KIAA1328: variants seen among roughly 807,000 people sequenced by gnomAD.
KIAA1328 encodes the protein protein hinderin.
Under a neutral mutation model 68.1 loss-of-function variants are expected in KIAA1328, and 52 were observed. The observed-to-expected ratio is 0.76, with a 90% CI of 0.61 to 0.96. The LOEUF is 0.96. Ranked by LOEUF, KIAA1328 falls within the 40% of genes least tolerant of loss-of-function variation. KIAA1328 has a pLI of 0.00. For synonymous variants in KIAA1328, 232 were observed against 239.4 expected, an observed-to-expected ratio of 0.97 and a Z score of 0.28; for missense variants, 641 against 677.6, an observed-to-expected ratio of 0.95 and a Z score of 0.60.
At chr18:37,138,482 T>C (rs1176084464) in intron 7 of KIAA1328, among the ~76,000 whole-genome samples, 1 of 152,182 alleles carries the variant, frequency 6.6e-6, no homozygotes, top group East Asian at 1.9e-4. Flanking sequence ...ACCCAGTACA[T>C]CTAAGGGATT....
chr18:36,926,496 G>A (rs952947930), intron 5 of KIAA1328, among the ~76,000 whole-genome samples: 1 of 151,966 alleles, frequency 6.6e-6, no homozygotes, highest in African/African-American at 2.4e-5. Flanking sequence ...ACAAGGTACT[G>A]GTGATACTAA....
intron 6 of KIAA1328, among the ~76,000 whole-genome samples, chr18:36,982,380 T>C (rs563997470): frequency 8.7e-4 from 131 of 150,938 alleles, no homozygotes; most frequent in African/African-American, 2.9e-3. Flanking sequence ...AACAAAAATA[T>C]CTTAAAAGTA....
chr18:37,161,990 C>CA (rs1181954916), intron 8 of KIAA1328, among the ~76,000 whole-genome samples: 2 of 151,660 alleles, frequency 1.3e-5, no homozygotes, highest in African/African-American at 2.4e-5. Context: ...GTCTTGTGTC[C>CA]AAAAAAAATC....
chr18:37,129,968 T>C (rs2058483851), intron 7 of KIAA1328, among the ~76,000 whole-genome samples: 1 of 152,146 alleles, frequency 6.6e-6, no homozygotes, highest in Non-Finnish European at 1.5e-5. Context: ...AAGGGTTCAG[T>C]ATGTTACTGA....
intron 4 of KIAA1328, among the ~76,000 whole-genome samples, chr18:36,863,039 T>G (rs1057116907): frequency 6.6e-6 from 1 of 152,140 alleles, no homozygotes; most frequent in Non-Finnish European, 1.5e-5. Flanking sequence ...ATTTTGAGAG[T>G]TCTTTATATG....
intron 7 of KIAA1328, among the ~76,000 whole-genome samples, chr18:37,082,001 A>G (rs1338510916): frequency 6.6e-6 from 1 of 152,072 alleles, no homozygotes; most frequent in Non-Finnish European, 1.5e-5. Context: ...CTGAGCACAT[A>G]TTTACTAAGC....
chr18:36,908,662 T>C (rs2049312141), intron 5 of KIAA1328, among the ~76,000 whole-genome samples: 1 of 152,132 alleles, frequency 6.6e-6, no homozygotes, highest in Non-Finnish European at 1.5e-5. Flanking sequence ...TAATAGCTAA[T>C]TATTACCATG....
intron 3 of KIAA1328, among the ~76,000 whole-genome samples, chr18:36,840,596 C>T (rs2046827019): frequency 1.3e-5 from 2 of 151,926 alleles, no homozygotes; most frequent in Non-Finnish European, 2.9e-5. Flanking sequence ...GCTGGGATTA[C>T]AGGAACGCAC....
intron 5 of KIAA1328, among the ~76,000 whole-genome samples, chr18:36,926,960 A>G (rs949628963): frequency 6.6e-6 from 1 of 152,188 alleles, no homozygotes; most frequent in South Asian, 2.1e-4. Flanking sequence ...GCAAGAGTGG[A>G]AGCAACAGCG....
chr18:36,982,561 A>G (rs140881244), intron 6 of KIAA1328, among the ~76,000 whole-genome samples: 139 of 152,144 alleles, frequency 9.1e-4, no homozygotes, highest in African/African-American at 3.3e-3. Context: ...AAAAGCCAAA[A>G]TCAAGGTAGA....
intron 6 of KIAA1328, among the ~76,000 whole-genome samples, chr18:36,971,568 G>A (rs1356438233): frequency 6.6e-6 from 1 of 152,182 alleles, no homozygotes; most frequent in Non-Finnish European, 1.5e-5. Flanking sequence ...GGCAGAGGTT[G>A]TGGTGAGCTG....
chr18:36,995,887 T>C (rs561390770), intron 6 of KIAA1328, among the ~76,000 whole-genome samples: 2 of 152,204 alleles, frequency 1.3e-5, no homozygotes, highest in Non-Finnish European at 2.9e-5. Context: ...CAAAGTAAAG[T>C]GTACAGCTTC....
intron 5 of KIAA1328, among the ~76,000 whole-genome samples, chr18:36,926,111 G>A (rs1057207797): frequency 6.6e-6 from 1 of 151,972 alleles, no homozygotes; most frequent in Non-Finnish European, 1.5e-5. Context: ...TTACTATGAC[G>A]CAAGCTTCTT....
chr18:36,915,873 C>T (rs1422209257), intron 5 of KIAA1328, among the ~76,000 whole-genome samples: 1 of 152,150 alleles, frequency 6.6e-6, no homozygotes. Flanking sequence ...ACAACATACT[C>T]TAGAAACATG....
intron 6 of KIAA1328, among the ~76,000 whole-genome samples, chr18:37,000,045 C>T (rs1054832803): frequency 6.6e-6 from 1 of 152,002 alleles, no homozygotes; most frequent in Non-Finnish European, 1.5e-5. Flanking sequence ...AAATTCTCCA[C>T]TCAGAATATA....
intron 5 of KIAA1328, among the ~76,000 whole-genome samples, chr18:36,919,500 A>G (rs1345969588): frequency 6.6e-6 from 1 of 152,154 alleles, no homozygotes; most frequent in African/African-American, 2.4e-5. Flanking sequence ...TGTCTTTGCT[A>G]CTGTGAATAG....
chr18:37,207,554 G>A (rs760409594), intron 9 of KIAA1328, among the ~76,000 whole-genome samples: 8 of 152,126 alleles, frequency 5.3e-5, no homozygotes, highest in East Asian at 1.9e-4. Context: ...GTTGTAAATC[G>A]CCCTCTTATG....
chr18:37,004,584 C>T (rs186424502), intron 6 of KIAA1328, among the ~76,000 whole-genome samples: 96 of 151,882 alleles, frequency 6.3e-4, no homozygotes, highest in African/African-American at 2.2e-3. Flanking sequence ...CAAGAATGAC[C>T]GTAATCACAA....
At chr18:36,888,047 A>T (rs1383636767) in intron 5 of KIAA1328, among the ~76,000 whole-genome samples, 7 of 152,224 alleles carry the variant, frequency 4.6e-5, no homozygotes. Context: ...GATTAATTCT[A>T]TTCAGTGCTA....
Sources: gnomAD v4.1 joint callset for allele counts (sites outside exome capture counted in the v4.1 genomes callset) on GRCh38, gnomAD v4.1.1 for gene constraint, MANE v1.5 for transcripts, NCBI Gene and HGNC (gene_info 2026-07-23, HGNC 2026-07-21) for gene names.